Variants in ST6GALNAC3 observed in about 807,000 individuals in gnomAD.
The protein encoded by ST6GALNAC3 is ST6 N-acetylgalactosaminide alpha-2,6-sialyltransferase 3.
ST6GALNAC3 carries 25 observed loss-of-function variants against 32.7 expected under a neutral mutation model. The ratio of observed to expected loss-of-function variants is 0.76; its 90% CI spans 0.56 to 1.07. ST6GALNAC3 has a LOEUF of 1.07. ST6GALNAC3 is among the 50% of genes least tolerant of loss of function. The pLI, the probability that ST6GALNAC3 is intolerant of heterozygous loss-of-function variation, is 0.00. For missense variants in ST6GALNAC3, 355 were observed against 382.4 expected, an observed-to-expected ratio of 0.93 and a Z score of 0.60; for synonymous variants, 129 against 133.1, an observed-to-expected ratio of 0.97 and a Z score of 0.21.
At chr1:76,483,692 G>A (rs1046128058) in intron 3 of ST6GALNAC3, among the ~76,000 whole-genome samples, 1 of 152,138 alleles carries the variant, frequency 6.6e-6, no homozygotes, top group African/African-American at 2.4e-5. Context: ...TCTGATGGTA[G>A]TTTCTTTTGC....
At chr1:76,188,854 G>T (rs1274991923) in intron 1 of ST6GALNAC3, among the ~76,000 whole-genome samples, 1 of 152,188 alleles carries the variant, frequency 6.6e-6, no homozygotes, top group Non-Finnish European at 1.5e-5. Context: ...CTGTCTCAGG[G>T]TTGTCAGAGG....
intron 2 of ST6GALNAC3, among the ~76,000 whole-genome samples, chr1:76,372,352 A>G (rs1398582293): frequency 6.6e-6 from 1 of 152,138 alleles, no homozygotes; most frequent in African/African-American, 2.4e-5. Context: ...GTTTTATTAT[A>G]CACAGACATG....
chr1:76,518,559 A>G (rs201508898), intron 3 of ST6GALNAC3, among the ~76,000 whole-genome samples: 100 of 152,224 alleles, frequency 6.6e-4, no homozygotes, highest in African/African-American at 2.3e-3. Context: ...GTTTAAATAC[A>G]GTATGTAAAC....
At chr1:76,574,680 G>A (rs1437805741) in intron 3 of ST6GALNAC3, among the ~76,000 whole-genome samples, 1 of 152,082 alleles carries the variant, frequency 6.6e-6, no homozygotes. Context: ...GAAGCCTGGG[G>A]ATATTTCTTT....
At chr1:76,076,690 A>G (rs1009771738) in intron 1 of ST6GALNAC3, among the ~76,000 whole-genome samples, 4 of 152,228 alleles carry the variant, frequency 2.6e-5, no homozygotes, top group African/African-American at 9.6e-5. Flanking sequence ...GATCCTTACT[A>G]TATCCTCAGT....
chr1:76,554,024 A>G (rs542617073), intron 3 of ST6GALNAC3, among the ~76,000 whole-genome samples: 1 of 152,348 alleles, frequency 6.6e-6, no homozygotes, highest in African/African-American at 2.4e-5. Flanking sequence ...AAAACATTTA[A>G]TGGTTCTTCT....
chr1:76,436,155 A>G (rs542285929), intron 3 of ST6GALNAC3, among the ~76,000 whole-genome samples: 2 of 152,282 alleles, frequency 1.3e-5, no homozygotes, highest in East Asian at 3.9e-4. Flanking sequence ...GTATTAAAGC[A>G]TTCGAATGCA....
At chr1:76,444,792 T>C (rs1656858347) in intron 3 of ST6GALNAC3, among the ~76,000 whole-genome samples, 1 of 152,158 alleles carries the variant, frequency 6.6e-6, no homozygotes, top group Admixed American at 6.5e-5. Flanking sequence ...AGATTGCAAC[T>C]GTATGTCCTC....
At chr1:76,289,755 T>C (rs975191210) in intron 1 of ST6GALNAC3, among the ~76,000 whole-genome samples, 1 of 152,214 alleles carries the variant, frequency 6.6e-6, no homozygotes, top group Admixed American at 6.5e-5. Context: ...ATCAACAGGC[T>C]TTTTACCTAG....
intron 3 of ST6GALNAC3, among the ~76,000 whole-genome samples, chr1:76,452,968 G>T (rs532782471): frequency 6.6e-6 from 1 of 152,032 alleles, no homozygotes; most frequent in African/African-American, 2.4e-5. Context: ...CCTGTTATTC[G>T]TTCATTCAGA....
intron 1 of ST6GALNAC3, among the ~76,000 whole-genome samples, chr1:76,198,892 T>A (rs1418896033): frequency 6.6e-6 from 1 of 152,114 alleles, no homozygotes; most frequent in Non-Finnish European, 1.5e-5. Flanking sequence ...CAAGGCTAAT[T>A]AAGAAAGGCT....
At chr1:76,225,466 G>T (rs1656012958) in intron 1 of ST6GALNAC3, among the ~76,000 whole-genome samples, 1 of 152,084 alleles carries the variant, frequency 6.6e-6, no homozygotes, top group African/African-American at 2.4e-5. Flanking sequence ...AGCTGTGAGG[G>T]ACATGAGGAG....
At chr1:76,575,831 C>CTT (rs201974818) in intron 3 of ST6GALNAC3, among the ~76,000 whole-genome samples, 1 of 151,194 alleles carries the variant, frequency 6.6e-6, no homozygotes, top group African/African-American at 2.4e-5. Flanking sequence ...ACCAGATTTT[C>CTT]TTTTTTTTTA....
chr1:76,556,300 G>T (rs1664919715), intron 3 of ST6GALNAC3, among the ~76,000 whole-genome samples: 2 of 152,010 alleles, frequency 1.3e-5, no homozygotes, highest in Admixed American at 6.6e-5. Flanking sequence ...CATTTGGGTT[G>T]TCACTTTTTG....
intron 3 of ST6GALNAC3, among the ~76,000 whole-genome samples, chr1:76,619,298 C>T (rs1253975669): frequency 1.3e-5 from 2 of 152,058 alleles, no homozygotes; most frequent in African/African-American, 2.4e-5. Flanking sequence ...ATACATTTAA[C>T]GTTTATGTAA....
At chr1:76,077,633 A>G (rs1646834984) in intron 1 of ST6GALNAC3, among the ~76,000 whole-genome samples, 1 of 152,148 alleles carries the variant, frequency 6.6e-6, no homozygotes, top group Admixed American at 6.5e-5. Flanking sequence ...ACTAATGGAA[A>G]ATAGGTGAGT....
chr1:76,423,737 C>T (rs964056172), intron 3 of ST6GALNAC3, among the ~76,000 whole-genome samples: 55 of 151,968 alleles, frequency 3.6e-4, no homozygotes, highest in African/African-American at 1.2e-3. Flanking sequence ...ATTCTTCTGA[C>T]GTGAATAGGT....
chr1:76,247,225 G>A (rs1308149592), intron 1 of ST6GALNAC3, among the ~76,000 whole-genome samples: 1 of 152,188 alleles, frequency 6.6e-6, no homozygotes, highest in African/African-American at 2.4e-5. Flanking sequence ...TCTCCTGTAT[G>A]AGGTTTCTAT....
intron 1 of ST6GALNAC3, among the ~76,000 whole-genome samples, chr1:76,094,863 A>T (rs560418567): frequency 1.3e-5 from 2 of 151,924 alleles, no homozygotes; most frequent in South Asian, 2.1e-4. Flanking sequence ...CTCTGAACAG[A>T]TTCCTCACCC....
Sources: gnomAD v4.1 joint callset for allele counts (sites outside exome capture counted in the v4.1 genomes callset) on GRCh38, gnomAD v4.1.1 for gene constraint, MANE v1.5 for transcripts, NCBI Gene and HGNC (gene_info 2026-07-23, HGNC 2026-07-21) for gene names.